The following CAV1 variants were observed in gnomAD, a reference collection of about 807,000 sequenced individuals.
CAV1 encodes caveolin 1.
A neutral mutation model predicts 16.5 loss-of-function variants in CAV1; 10 were observed. The ratio of observed to expected loss-of-function variants is 0.61; its 90% CI spans 0.37 to 1.03. The LOEUF is 1.03. Ranked by LOEUF, CAV1 falls within the 50% of genes least tolerant of loss-of-function variation. The probability of loss-of-function intolerance (pLI) is 0.01; values close to 1 mark genes in which losing one functional copy is unlikely to be tolerated. For synonymous variants in CAV1, 76 were observed against 85.1 expected (o/e 0.89, Z 0.59); for missense variants, 212 against 232.8 (o/e 0.91, Z 0.58).
chr7:116,528,769 A>G (rs1374487159), intron 2 of CAV1, among the ~76,000 whole-genome samples: 1 of 152,106 alleles, frequency 6.6e-6, no homozygotes, highest in Non-Finnish European at 1.5e-5. Flanking sequence ...ACAGTAAATA[A>G]TAAATTTCCC....
chr7:116,555,542 G>GAGAGAGAGAGAGAGAGAGAA (rs1478856618), intron 2 of CAV1, among the ~76,000 whole-genome samples: 1 of 12,146 alleles, frequency 8.2e-5, no homozygotes, highest in African/African-American at 2.3e-4. Flanking sequence ...GAGAGAGAGA[G>GAGAGAGAGAGAGAGAGAGAA]AGAAAGAAAG....
rs182028650 is a variant in CAV1 at position 116,557,477 on chromosome 7, G to A, written c.196-1469G>A. 3.7e-4 allele frequency among the ~76,000 whole-genome samples: 56 copies of A among 152,268 alleles called. 1 individual carries two copies. The East Asian group carries it at 5.4e-3, about 15-fold the overall frequency. On this transcript the variant is annotated intron_variant, in intron 2 of 2. Coordinates refer to ENST00000341049, the MANE Select transcript of CAV1 (RefSeq NM_001753.5). ...CTATAGCTGTCACTGCCAAGCAGTT[G>A]CACTGGCTCTGTCCTACCTTTCTGT...
At chr7:116,530,208 C>CTTTTTTTTTTTTTTTTTTTT (rs3030806) in intron 2 of CAV1, among the ~76,000 whole-genome samples, 20 of 125,360 alleles carry the variant, frequency 1.6e-4, no homozygotes, top group South Asian at 2.5e-4. Context: ...GTCCTTTTTC[C>CTTTTTTTTTTTTTTTTTTTT]TTTTTTTTTT....
Position 116,559,418 on chromosome 7 carries a change from T to C in CAV1, c.*131T>C. On this transcript the variant is annotated 3_prime_UTR_variant, in exon 3 of 3. Transcript: ENST00000341049. The stretch of plus-strand genomic sequence containing the variant: ...ATTATCTTGGTTGAAAATAAAAAGA[T>C]CACTTTCTCAGTTTTCATAAGTATT... The C allele has an allele frequency of 1.4e-6, 1 of 693,558 alleles. No individual in the cohort carries two copies. Among genetic ancestry groups the C allele is most frequent in the Non-Finnish European group, 2.5e-6 (1 of 397,850 alleles). The allele number at this position is 693,558 out of a possible 1,614,324, so 43.0% of individuals were successfully genotyped here. A position where few individuals can be genotyped will look rare whatever the true frequency, so the allele number is the denominator to read the frequency against.
At chr7:116,527,915 G>C (rs1195478552) in intron 2 of CAV1, among the ~76,000 whole-genome samples, 1 of 152,156 alleles carries the variant, frequency 6.6e-6, no homozygotes, top group Non-Finnish European at 1.5e-5. Flanking sequence ...CCTGGAGTAG[G>C]AAAAAGGAAA....
In CAV1 at chr7:116,526,533, C is replaced by G; in HGVS notation, c.39C>G (p.Leu13=). Residue 13 remains leucine, a synonymous_variant, in exon 2 of 3, where the codon CTC becomes CTG. Coordinates refer to ENST00000341049, the MANE Select transcript of CAV1 (RefSeq NM_001753.5). ...GGKYVDSEGH[L]YTVPIREQGN... ...CCCTCCGCCCTCTGCAGGGACATCTCTACACCGTTCCCATCCGGGAACAGG... is the reference window on the plus strand; with the variant it reads ...CCCTCCGCCCTCTGCAGGGACATCTGTACACCGTTCCCATCCGGGAACAGG... 2.5e-6 allele frequency: 4 copies of G among 1,614,108 alleles called. No individual in the cohort carries two copies. The highest frequency in any genetic ancestry group is 1.1e-5 in the South Asian group (1 of 91,082).
chr7:116,535,638 A>G (rs1385135743), intron 2 of CAV1, among the ~76,000 whole-genome samples: 1 of 152,238 alleles, frequency 6.6e-6, no homozygotes, highest in South Asian at 2.1e-4. Flanking sequence ...TCCACAGGCT[A>G]TGCAACTACC....
At chr7:116,554,974 A>G (rs1050119989) in intron 2 of CAV1, among the ~76,000 whole-genome samples, 11 of 152,080 alleles carry the variant, frequency 7.2e-5, no homozygotes, top group Non-Finnish European at 1.6e-4. Flanking sequence ...TAATTTCTTA[A>G]CCCCCGGCAG....
chr7:116,525,942 G>C, intron 1 of CAV1: 2 of 637,692 alleles, frequency 3.1e-6, no homozygotes, highest in Non-Finnish European at 2.0e-6. Context: ...AGGCAGGGTG[G>C]GGGGCGCGGG....
At position 116,554,566 on chromosome 7, in the gene CAV1, G is replaced by A. The variant is rs185761144; in HGVS notation, c.196-4380G>A. 3.3e-3 allele frequency among the ~76,000 whole-genome samples: 498 copies of A among 152,230 alleles called. 7 individuals are homozygous for A. Among genetic ancestry groups the A allele is most frequent in the Non-Finnish European group, 9.6e-4 (65 of 68,010 alleles). On this transcript the variant is annotated intron_variant, in intron 2 of 2. Transcript: ENST00000341049. ...GCAGCTTTTCCATTGATTCACTTGG[G>A]ATCTTGAGAATATCTGTCTCATTTT...
chr7:116,558,221 G>T (rs1193058415), intron 2 of CAV1, among the ~76,000 whole-genome samples: 1 of 152,144 alleles, frequency 6.6e-6, no homozygotes, highest in Admixed American at 6.6e-5. Flanking sequence ...ATGTGTAGTT[G>T]TCTTCAAAGG....
At chr7:116,555,724 GCTA>G (rs1794282641) in intron 2 of CAV1, among the ~76,000 whole-genome samples, 1 of 151,844 alleles carries the variant, frequency 6.6e-6, no homozygotes, top group Middle Eastern at 3.2e-3. Context: ...TTTTTTAAAT[GCTA>G]CTATTTTTTG....
chr7:116,553,090 A>G (rs1355386963), intron 2 of CAV1, among the ~76,000 whole-genome samples: 1 of 152,234 alleles, frequency 6.6e-6, no homozygotes, highest in Non-Finnish European at 1.5e-5. Context: ...ATCATTACTT[A>G]TGAAATCCCA....
At chr7:116,556,278 T>C (rs1794292197) in intron 2 of CAV1, among the ~76,000 whole-genome samples, 1 of 152,230 alleles carries the variant, frequency 6.6e-6, no homozygotes. Flanking sequence ...GGACCAATTG[T>C]GTATATGGTG....
intron 2 of CAV1, among the ~76,000 whole-genome samples, chr7:116,529,747 CT>C (rs1343516529): frequency 7.9e-5 from 12 of 152,276 alleles, no homozygotes; most frequent in Middle Eastern, 3.4e-3. Context: ...AATTTCTCAT[CT>C]TACTAAAAGC....
At chr7:116,558,030 C>T (rs535217323) in intron 2 of CAV1, among the ~76,000 whole-genome samples, 16 of 152,260 alleles carry the variant, frequency 1.1e-4, no homozygotes, top group Admixed American at 8.5e-4. Context: ...ACATTTCCAA[C>T]GTCCCATTGT....
At chr7:116,537,436 G>A (rs1301175430) in intron 2 of CAV1, among the ~76,000 whole-genome samples, 1 of 152,054 alleles carries the variant, frequency 6.6e-6, no homozygotes, top group Non-Finnish European at 1.5e-5. Flanking sequence ...CACCTCCAAT[G>A]GCCCTATGAG....
At position 116,538,715 on chromosome 7, in the gene CAV1, G is replaced by A. The variant is rs945695395; in HGVS notation, c.195+12026G>A. Among the ~76,000 whole-genome samples, 17 of 152,184 alleles carry A rather than the reference G, an allele frequency of 1.1e-4. No individual in the cohort carries two copies. In the East Asian group the frequency reaches 1.9e-3, roughly 17 times the overall value. On this transcript the variant is annotated intron_variant, in intron 2 of 2. Coordinates refer to ENST00000341049, the MANE Select transcript of CAV1 (RefSeq NM_001753.5). ...GGGCATTATATTAGTCTGTTTTCAC[G>A]CTGCTGATAAAGACATATCCGGGAT...
rs113344895 is a variant in CAV1 at position 116,553,622 on chromosome 7, A to G, written c.196-5324A>G. The stretch of plus-strand genomic sequence containing the variant: ...CCACTCTAAGAAACTAATGGCACCT[A>G]CACCTCTTGGGCATTGAGTTTTTAA... On this transcript the variant is annotated intron_variant, in intron 2 of 2. Coordinates refer to ENST00000341049, the MANE Select transcript of CAV1 (RefSeq NM_001753.5). Among the ~76,000 whole-genome samples the G allele has an allele frequency of 9.6e-3, 1,466 of 152,116 alleles. 26 individuals are homozygous for G. The highest frequency in any genetic ancestry group is 0.034 in the African/African-American group (1,392 of 41,502).
Sources: allele counts gnomAD v4.1 joint callset (sites outside exome capture counted in the v4.1 genomes callset), GRCh38; gene constraint gnomAD v4.1.1; transcripts MANE v1.5; gene names NCBI Gene and HGNC (gene_info 2026-07-23, HGNC 2026-07-21).